Variants in FRMPD4 observed in about 807,000 individuals in gnomAD.
FRMPD4 encodes the protein FERM and PDZ domain-containing protein 4.
Under a neutral mutation model 94.1 loss-of-function variants are expected in FRMPD4, and 22 were observed. The ratio of observed to expected loss-of-function variants is 0.23; its 90% CI spans 0.17 to 0.33. FRMPD4 has a LOEUF of 0.33. Ranked by LOEUF, FRMPD4 falls within the 10% of genes least tolerant of loss-of-function variation. The probability of loss-of-function intolerance (pLI) is 1.00; values close to 1 mark genes in which losing one functional copy is unlikely to be tolerated. For missense variants in FRMPD4, 1,111 were observed against 1,339.9 expected (o/e 0.83, Z 2.67); for synonymous variants, 631 against 548.6 (o/e 1.15, Z -2.10).
intron 1 of FRMPD4, among the ~76,000 whole-genome samples, chrX:12,399,674 G>A (rs2056586757): frequency 9.0e-6 from 1 of 111,463 alleles, no homozygotes; most frequent in Admixed American, 9.5e-5. Flanking sequence ...TTCATTAAGT[G>A]GAAGTAGATT....
chrX:12,058,676 G>T (rs1442318508), intron 3 of FRMPD4, among the ~76,000 whole-genome samples: 1 of 111,186 alleles, frequency 9.0e-6, no homozygotes, highest in Non-Finnish European at 1.9e-5. Context: ...TATTATATGT[G>T]ATTATATTTA....
chrX:12,024,809 T>C (rs1395521289), intron 3 of FRMPD4, among the ~76,000 whole-genome samples: 1 of 112,496 alleles, frequency 8.9e-6, no homozygotes, highest in Non-Finnish European at 1.9e-5. Flanking sequence ...CAGTTGCTTT[T>C]TGTTAACATT....
In FRMPD4 at chrX:11,957,134, TA is replaced by T. The variant is rs1320353973; in HGVS notation, c.95+79120del. Among the ~76,000 whole-genome samples, 35 of 112,304 alleles carry T rather than the reference TA, an allele frequency of 3.1e-4. No homozygotes were observed. The Admixed American group carries it at 3.2e-3, about 10-fold the overall frequency. On this transcript the variant is annotated intron_variant, in intron 3 of 18. Transcript: ENST00000640291. ...TAACAACTTCCTAGGCAGAACTTGT[TA>T]AAAGATAACTTTTAACAAAAGGTAA...
At chrX:11,981,039 C>T (rs2054394564) in intron 3 of FRMPD4, among the ~76,000 whole-genome samples, 1 of 111,680 alleles carries the variant, frequency 9.0e-6, no homozygotes, top group Non-Finnish European at 1.9e-5. Flanking sequence ...CCACCAGCAG[C>T]ACCAAGTAGT....
intron 1 of FRMPD4, among the ~76,000 whole-genome samples, chrX:11,857,181 A>G (rs981638565): frequency 8.9e-6 from 1 of 111,791 alleles, no homozygotes; most frequent in Admixed American, 9.5e-5. Flanking sequence ...TACCATTAAC[A>G]TTCTTCAGAG....
chrX:11,893,301 T>C (rs764097477), intron 3 of FRMPD4, among the ~76,000 whole-genome samples: 7 of 112,029 alleles, frequency 6.2e-5, no homozygotes, highest in African/African-American at 2.3e-4. Context: ...CTAGCCAAGA[T>C]TACATTTACT....
At chrX:12,644,030 G>A (rs1416370391) in intron 4 of FRMPD4, among the ~76,000 whole-genome samples, 4 of 111,994 alleles carry the variant, frequency 3.6e-5, no homozygotes, top group Non-Finnish European at 7.5e-5. Flanking sequence ...TATATAATTT[G>A]TAATATGCAT....
At chrX:12,694,507 C>T (rs182121901) in intron 9 of FRMPD4, 53 bp downstream of exon 9, 1 of 980,396 alleles carries the variant, frequency 1.0e-6, no homozygotes, top group East Asian at 3.1e-5. Flanking sequence ...TAAACTAACT[C>T]TGGGGCTTTG....
chrX:12,537,373 C>A (rs936942549), intron 2 of FRMPD4, among the ~76,000 whole-genome samples: 6 of 110,702 alleles, frequency 5.4e-5, no homozygotes, highest in Admixed American at 9.6e-5. Flanking sequence ...AATTTACACA[C>A]AACATTATTT....
At chrX:11,964,308 C>T (rs750537640) in intron 3 of FRMPD4, among the ~76,000 whole-genome samples, 2 of 110,232 alleles carry the variant, frequency 1.8e-5, no homozygotes, top group East Asian at 2.9e-4. Context: ...TACACGTGCC[C>T]GCCACCACAC....
chrX:12,458,643 C>T (rs1171156022), intron 1 of FRMPD4, among the ~76,000 whole-genome samples: 1 of 111,509 alleles, frequency 9.0e-6, no homozygotes, highest in Non-Finnish European at 1.9e-5. Context: ...AGGGTGAAAA[C>T]AGAAGTTTCC....
chrX:12,605,960 C>T (rs1464837161), intron 2 of FRMPD4, among the ~76,000 whole-genome samples: 5 of 112,053 alleles, frequency 4.5e-5, no homozygotes, highest in African/African-American at 1.3e-4. Flanking sequence ...GCTTTCTTTC[C>T]CAGTGCAATC....
At chrX:12,314,683 A>T (rs1360210150) in intron 1 of FRMPD4, among the ~76,000 whole-genome samples, 1 of 110,892 alleles carries the variant, frequency 9.0e-6, no homozygotes, top group Non-Finnish European at 1.9e-5. Context: ...TGTTTTTATG[A>T]CTTTTTTTTA....
chrX:12,127,682 G>C (rs2055512564), intron 3 of FRMPD4, among the ~76,000 whole-genome samples: 1 of 111,784 alleles, frequency 8.9e-6, no homozygotes, highest in Non-Finnish European at 1.9e-5. Flanking sequence ...GCCCATTCCA[G>C]CATTAACCCA....
intron 6 of FRMPD4, among the ~76,000 whole-genome samples, chrX:12,685,715 A>ACACT (rs1210024723): frequency 8.9e-6 from 1 of 112,281 alleles, no homozygotes; most frequent in Non-Finnish European, 1.9e-5. Flanking sequence ...CACCATCATG[A>ACACT]CACTGCTAGG....
chrX:12,537,016 C>T (rs143684155), intron 2 of FRMPD4, among the ~76,000 whole-genome samples: 2,106 of 111,297 alleles, frequency 0.019, 25 homozygotes, highest in Non-Finnish European at 0.03. Context: ...AATTTTATGT[C>T]CAAGGCAATG....
intron 1 of FRMPD4, among the ~76,000 whole-genome samples, chrX:12,247,957 G>C (rs1000841058): frequency 8.9e-6 from 1 of 112,337 alleles, no homozygotes. Context: ...GAAATGTCAA[G>C]AGAGTCCTTC....
At chrX:12,064,859 T>C (rs754974611) in intron 3 of FRMPD4, among the ~76,000 whole-genome samples, 131 of 112,296 alleles carry the variant, frequency 1.2e-3, no homozygotes, top group African/African-American at 4.2e-3. Flanking sequence ...CAGTTTTTAA[T>C]AAGGATTACT....
chrX:12,442,738 C>T (rs1222190350), intron 1 of FRMPD4, among the ~76,000 whole-genome samples: 4 of 111,452 alleles, frequency 3.6e-5, no homozygotes, highest in African/African-American at 9.8e-5. Context: ...TAGGTTTATA[C>T]CCAAGTGAGA....
Sources: gnomAD v4.1 joint callset for allele counts (sites outside exome capture counted in the v4.1 genomes callset) on GRCh38, gnomAD v4.1.1 for gene constraint, MANE v1.5 for transcripts, NCBI Gene and HGNC (gene_info 2026-07-23, HGNC 2026-07-21) for gene names.